Variants in EPM2A observed in about 807,000 individuals in gnomAD.
EPM2A encodes the protein laforin.
In EPM2A, 21 loss-of-function variants were observed where a neutral mutation model predicts 26.5. That is an observed-to-expected ratio of 0.79 (90% CI 0.56 to 1.14). The LOEUF is 1.14. Among genes scored for constraint, EPM2A ranks in the 50% most tolerant of loss-of-function variants. The pLI, the probability that EPM2A is intolerant of heterozygous loss-of-function variation, is 0.00. For synonymous variants in EPM2A, 217 were observed against 177.6 expected, an observed-to-expected ratio of 1.22 and a Z score of -1.76; for missense variants, 458 against 440.8, an observed-to-expected ratio of 1.04 and a Z score of -0.35.
intron 2 of EPM2A, among the ~76,000 whole-genome samples, chr6:145,669,453 A>G (rs1779488633): frequency 6.6e-6 from 1 of 152,236 alleles, no homozygotes; most frequent in African/African-American, 2.4e-5. Context: ...AATAATCATA[A>G]TCAATGAATG....
At chr6:145,520,391 T>C (rs1189551058) in intron 2 of EPM2A, among the ~76,000 whole-genome samples, 1 of 152,174 alleles carries the variant, frequency 6.6e-6, no homozygotes, top group African/African-American at 2.4e-5. Context: ...TCCATCACTG[T>C]GGGACCTCTT....
intron 2 of EPM2A, among the ~76,000 whole-genome samples, chr6:145,661,034 G>A (rs1778666952): frequency 6.6e-6 from 1 of 152,044 alleles, no homozygotes; most frequent in South Asian, 2.1e-4. Context: ...GACAGAGAAG[G>A]TTAGAGAGGG....
At chr6:145,573,823 C>T (rs1003761005) in intron 2 of EPM2A, among the ~76,000 whole-genome samples, 4 of 152,140 alleles carry the variant, frequency 2.6e-5, no homozygotes, top group Non-Finnish European at 5.9e-5. Context: ...GCTGGACTTA[C>T]TGTAAGTCAG....
intron 2 of EPM2A, among the ~76,000 whole-genome samples, chr6:145,602,561 T>A (rs940231877): frequency 3.3e-5 from 5 of 152,210 alleles, no homozygotes; most frequent in Non-Finnish European, 7.4e-5. Context: ...TAATGCCAGA[T>A]GAGTCAGTAC....
At chr6:145,716,672 C>A (rs573237718) in intron 1 of EPM2A, among the ~76,000 whole-genome samples, 12 of 152,174 alleles carry the variant, frequency 7.9e-5, no homozygotes, top group African/African-American at 2.9e-4. Context: ...TCCTTCACCC[C>A]AAAATGCATT....
In EPM2A at chr6:145,625,820, C is replaced by A; in HGVS notation, c.*1596G>T. ...AAACTTACCTTGTATCCTTCTTGTC[C>A]CCCACGCCTTCTAAATAAGAGTCTC... On this transcript the variant is annotated 3_prime_UTR_variant, in exon 4 of 4. Coordinates refer to ENST00000367519, the MANE Select transcript of EPM2A (RefSeq NM_005670.4). 6.5e-7 allele frequency: 1 copy of A among 1,546,782 alleles called. No individual in the cohort carries two copies. The highest frequency in any genetic ancestry group is 8.8e-7 in the Non-Finnish European group (1 of 1,140,070).
At chr6:145,528,387 C>T in intron 2 of EPM2A, among the ~76,000 whole-genome samples, 1 of 152,156 alleles carries the variant, frequency 6.6e-6, no homozygotes, top group Non-Finnish European at 1.5e-5. Context: ...CAAAGAATAG[C>T]CTATCTCTCT....
intron 4 of EPM2A, among the ~76,000 whole-genome samples, chr6:145,463,770 G>C (rs1779354336): frequency 6.6e-6 from 1 of 152,092 alleles, no homozygotes; most frequent in African/African-American, 2.4e-5. Flanking sequence ...GACATCTAGA[G>C]GTAGAATCAC....
At chr6:145,504,499 C>G (rs1779941993) in intron 2 of EPM2A, among the ~76,000 whole-genome samples, 1 of 99,206 alleles carries the variant, frequency 1.0e-5, no homozygotes, top group Admixed American at 1.1e-4. Context: ...AAAAAATGCT[C>G]ATCATCACTG....
chr6:145,469,641 T>C (rs1202206607), intron 4 of EPM2A, among the ~76,000 whole-genome samples: 1 of 151,916 alleles, frequency 6.6e-6, no homozygotes, highest in Non-Finnish European at 1.5e-5. Context: ...AAAAGTAGGG[T>C]CGTACAATCC....
intron 4 of EPM2A, among the ~76,000 whole-genome samples, chr6:145,393,099 C>T (rs1778359467): frequency 1.3e-5 from 2 of 151,998 alleles, no homozygotes. Flanking sequence ...ACCTTTAGTA[C>T]TCTGGTCAAG....
At chr6:145,558,880 T>C (rs540796516) in intron 2 of EPM2A, among the ~76,000 whole-genome samples, 2 of 152,158 alleles carry the variant, frequency 1.3e-5, no homozygotes, top group South Asian at 4.1e-4. Context: ...CCCTGGACCA[T>C]CCCTTTTCCC....
At chr6:145,647,126 A>G (rs1186640303) in intron 2 of EPM2A, among the ~76,000 whole-genome samples, 1 of 152,232 alleles carries the variant, frequency 6.6e-6, no homozygotes, top group Non-Finnish European at 1.5e-5. Context: ...TAAAGCATAA[A>G]GCATGTGAAA....
chr6:145,478,743 T>C (rs912220528), intron 4 of EPM2A, among the ~76,000 whole-genome samples: 6 of 151,840 alleles, frequency 4.0e-5, no homozygotes, highest in African/African-American at 1.4e-4. Flanking sequence ...TAAGTACTTA[T>C]GATTTTCATT....
intron 4 of EPM2A, among the ~76,000 whole-genome samples, chr6:145,463,800 C>T (rs955701719): frequency 8.5e-5 from 13 of 152,176 alleles, no homozygotes; most frequent in East Asian, 7.7e-4. Flanking sequence ...AAAGACTGCA[C>T]GTTAAATTTT....
intron 2 of EPM2A, among the ~76,000 whole-genome samples, chr6:145,520,407 C>A (rs1212915642): frequency 1.3e-5 from 2 of 152,126 alleles, no homozygotes; most frequent in Non-Finnish European, 2.9e-5. Context: ...CTCTTAGATT[C>A]ATCTCTCTCC....
chr6:145,641,316 G>A (rs1185529984), intron 2 of EPM2A: 5 of 152,186 alleles, frequency 3.3e-5, no homozygotes, highest in Non-Finnish European at 5.9e-5. Flanking sequence ...AAAATGACTA[G>A]TGTCCTTATA....
At chr6:145,425,945 C>T (rs993241566) in intron 4 of EPM2A, among the ~76,000 whole-genome samples, 2 of 152,152 alleles carry the variant, frequency 1.3e-5, no homozygotes, top group Admixed American at 6.5e-5. Context: ...TTATTGCTTG[C>T]TACTCAATCA....
chr6:145,689,982 C>A (rs1781169763), intron 1 of EPM2A, among the ~76,000 whole-genome samples: 1 of 152,162 alleles, frequency 6.6e-6, no homozygotes, highest in South Asian at 2.1e-4. Flanking sequence ...TCCCACCCGA[C>A]CATCAGTGGA....
Sources: allele counts gnomAD v4.1 joint callset (sites outside exome capture counted in the v4.1 genomes callset), GRCh38; gene constraint gnomAD v4.1.1; transcripts MANE v1.5; gene names NCBI Gene and HGNC (gene_info 2026-07-23, HGNC 2026-07-21).